RFX7: variants seen among roughly 807,000 people sequenced by gnomAD.
RFX7 encodes the protein regulatory factor X7.
RFX7 carries 26 observed loss-of-function variants against 111.8 expected under a neutral mutation model. The observed-to-expected ratio is 0.23, with a 90% confidence interval of 0.17 to 0.32. The LOEUF (loss-of-function observed/expected upper bound fraction) is 0.32. Among genes scored for constraint, RFX7 ranks in the 10% least tolerant of loss-of-function variants. RFX7 has a pLI of 1.00. For missense variants in RFX7, 1,573 were observed against 1,772.9 expected (o/e 0.89, Z 2.02); for synonymous variants, 624 against 624.4 (o/e 1.00, Z 0.01).
chr15:56,107,158 G>A (rs989842162), intron 5 of RFX7, among the ~76,000 whole-genome samples: 23 of 151,844 alleles, frequency 1.5e-4, no homozygotes, highest in Admixed American at 3.9e-4. Context: ...TTAGCTGGGC[G>A]TGGTGGCAGG....
At chr15:56,168,764 G>C (rs1398256708) in intron 3 of RFX7, among the ~76,000 whole-genome samples, 2 of 152,162 alleles carry the variant, frequency 1.3e-5, no homozygotes, top group Non-Finnish European at 2.9e-5. Context: ...TGAATAAAAA[G>C]ATGGCTTCCC....
intron 5 of RFX7, among the ~76,000 whole-genome samples, chr15:56,114,861 A>C (rs2041988971): frequency 6.6e-6 from 1 of 152,174 alleles, no homozygotes; most frequent in South Asian, 2.1e-4. Flanking sequence ...GCTAATAAAA[A>C]AAATCCCATA....
chr15:56,143,009 G>T (rs183213083), intron 4 of RFX7, 109 bp from the exon 5 acceptor site: 2 of 1,189,258 alleles, frequency 1.7e-6, no homozygotes, highest in African/African-American at 1.5e-5. Flanking sequence ...CACTATCAAC[G>T]ACCAAACCAA....
intron 2 of RFX7, among the ~76,000 whole-genome samples, chr15:56,212,401 C>G (rs1391206102): frequency 6.6e-6 from 1 of 152,046 alleles, no homozygotes; most frequent in East Asian, 1.9e-4. Context: ...GGGTAGTAAG[C>G]CTACTCTTTA....
intron 5 of RFX7, among the ~76,000 whole-genome samples, chr15:56,134,254 A>T (rs2042259271): frequency 6.6e-6 from 1 of 152,156 alleles, no homozygotes; most frequent in Non-Finnish European, 1.5e-5. Flanking sequence ...GAGGATAGGA[A>T]CATAGTGGAA....
At chr15:56,141,656 A>AATAAATAAATATATATATAT (rs1555421060) in intron 5 of RFX7, among the ~76,000 whole-genome samples, 1 of 83,208 alleles carries the variant, frequency 1.2e-5, no homozygotes, top group Non-Finnish European at 2.2e-5. Flanking sequence ...GCTTACTCTA[A>AATAAATAAATATATATATAT]ATATATATAT....
intron 2 of RFX7, among the ~76,000 whole-genome samples, chr15:56,195,628 G>A (rs1394494681): frequency 6.6e-6 from 1 of 152,050 alleles, no homozygotes; most frequent in East Asian, 1.9e-4. Context: ...TTCTCAACCA[G>A]GTACTGACAT....
intron 2 of RFX7, among the ~76,000 whole-genome samples, chr15:56,218,613 T>G (rs890162174): frequency 6.6e-6 from 1 of 152,168 alleles, no homozygotes; most frequent in Non-Finnish European, 1.5e-5. Context: ...TGAGGAGGCA[T>G]GGCAGTAGTT....
chr15:56,187,121 A>C (rs1002052581), intron 2 of RFX7, among the ~76,000 whole-genome samples: 2 of 152,210 alleles, frequency 1.3e-5, no homozygotes. Flanking sequence ...TGGACAAAAT[A>C]TAAAAACAAA....
chr15:56,171,871 G>C (rs1413649806), intron 3 of RFX7, among the ~76,000 whole-genome samples: 2 of 152,134 alleles, frequency 1.3e-5, no homozygotes, highest in Non-Finnish European at 2.9e-5. Flanking sequence ...TAGAGCTTAG[G>C]ATGGGGACAT....
rs2041566961 is a variant in RFX7, at chr15:56,089,254, A to G, written c.*4091T>C. 1 of 152,532 alleles carries G rather than the reference A, an allele frequency of 6.6e-6. No individual in the cohort carries two copies. The highest frequency in any genetic ancestry group is 2.4e-5 in the African/African-American group (1 of 41,412). 9.4% of individuals were successfully genotyped at this position (152,532 alleles called of 1,614,324 possible). On this transcript the variant is annotated 3_prime_UTR_variant, in exon 10 of 10. Transcript: ENST00000559447. ...TTTTCTCTCTGATAAAAGGCTAAGAACTGCTCTTACTATCCTGCTTGGGAT... is the reference window on the plus strand; with the variant it reads ...TTTTCTCTCTGATAAAAGGCTAAGAGCTGCTCTTACTATCCTGCTTGGGAT...
chr15:56,136,984 A>G (rs1219948395), intron 5 of RFX7, among the ~76,000 whole-genome samples: 36 of 150,750 alleles, frequency 2.4e-4, no homozygotes, highest in African/African-American at 8.5e-4. Context: ...ATCATGGTGG[A>G]TAAGCTTTTT....
Position 56,111,479 on chromosome 15 carries a change from T to C in RFX7, c.402-7809A>G, listed in dbSNP as rs532278609. On this transcript the variant is annotated intron_variant, in intron 5 of 9. Coordinates refer to ENST00000559447, the MANE Select transcript of RFX7 (RefSeq NM_022841.7). Reference sequence around the variant, plus strand: ...CTCGTTAAGAGTCATCACCACTCCCTAATCTCAAGTACCCAGGGACACAAA... The same window carrying C: ...CTCGTTAAGAGTCATCACCACTCCCCAATCTCAAGTACCCAGGGACACAAA... Among the ~76,000 whole-genome samples the C allele has an allele frequency of 8.1e-4, 123 of 151,028 alleles. 1 individual carries two copies. Among genetic ancestry groups the C allele is most frequent in the African/African-American group, 3.0e-3 (122 of 41,190 alleles).
chr15:56,116,437 C>A (rs2042009833), intron 5 of RFX7, among the ~76,000 whole-genome samples: 1 of 152,170 alleles, frequency 6.6e-6, no homozygotes, highest in Non-Finnish European at 1.5e-5. Flanking sequence ...CTCTGAAGAA[C>A]AGTGATCAGC....
At chr15:56,173,568 G>A (rs2042869146) in intron 3 of RFX7, among the ~76,000 whole-genome samples, 1 of 152,214 alleles carries the variant, frequency 6.6e-6, no homozygotes, top group African/African-American at 2.4e-5. Context: ...ATCAGATGAG[G>A]TCAGGAGTTC....
rs115957343 is a variant in RFX7 at position 56,219,512 on chromosome 15, C to A, written c.161+23613G>T. On this transcript the variant is annotated intron_variant, in intron 2 of 9. Transcript: ENST00000559447. ...GTACCTGATAGGTAGCTTTTTTAAC[C>A]CTTACCCTCTACCCTCAAGTAGGAC... 5.1e-3 allele frequency among the ~76,000 whole-genome samples: 783 copies of A among 152,124 alleles called. 4 individuals carry two copies. Among genetic ancestry groups the A allele is most frequent in the African/African-American group, 0.018 (756 of 41,506 alleles).
intron 3 of RFX7, among the ~76,000 whole-genome samples, chr15:56,161,590 A>G (rs2042720630): frequency 6.6e-6 from 1 of 152,092 alleles, no homozygotes; most frequent in East Asian, 1.9e-4. Flanking sequence ...TGAGTTCATA[A>G]ATTGATGATA....
At position 56,088,792 on chromosome 15, in the gene RFX7, A is replaced by AT. The variant is rs767721102; in HGVS notation, c.*4552dup. On this transcript the variant is annotated 3_prime_UTR_variant, in exon 10 of 10. Coordinates refer to ENST00000559447, the MANE Select transcript of RFX7 (RefSeq NM_022841.7). Reference sequence around the variant, plus strand: ...TCAATAATACCTGATTTTTCAGCTCATAGGGGGAAGGCAAGATACCAGTTA... The same window carrying AT: ...TCAATAATACCTGATTTTTCAGCTCATTAGGGGGAAGGCAAGATACCAGTTA... 1 of 152,192 alleles carries AT rather than the reference A, an allele frequency of 6.6e-6. No homozygotes were observed. Among genetic ancestry groups the AT allele is most frequent in the African/African-American group, 2.4e-5 (1 of 41,460 alleles). 9.4% of individuals were successfully genotyped at this position (152,192 alleles called of 1,614,324 possible). A position where few individuals can be genotyped will look rare whatever the true frequency, so the allele number is the denominator to read the frequency against.
chr15:56,242,058 C>T (rs1436284337), intron 2 of RFX7, among the ~76,000 whole-genome samples: 1 of 152,120 alleles, frequency 6.6e-6, no homozygotes, highest in East Asian at 1.9e-4. Context: ...GATATGTTTT[C>T]AAAATGAGAA....
Sources: gnomAD v4.1 joint callset for allele counts (sites outside exome capture counted in the v4.1 genomes callset) on GRCh38, gnomAD v4.1.1 for gene constraint, MANE v1.5 for transcripts, NCBI Gene and HGNC (gene_info 2026-07-23, HGNC 2026-07-21) for gene names.